Variants in SHC3 observed in about 807,000 individuals in gnomAD.
SHC3 encodes the protein SHC adaptor protein 3.
A neutral mutation model predicts 60.4 loss-of-function variants in SHC3; 15 were observed. The observed-to-expected ratio is 0.25, with a 90% CI of 0.17 to 0.38. The LOEUF (loss-of-function observed/expected upper bound fraction) is 0.38, where lower values mean the gene tolerates loss of function less well. Ranked by LOEUF, SHC3 falls within the 10% of genes least tolerant of loss-of-function variation. The probability of loss-of-function intolerance (pLI) is 1.00; values close to 1 mark genes in which losing one functional copy is unlikely to be tolerated. For missense variants in SHC3, 677 were observed against 786.1 expected (o/e 0.86, Z 1.66); for synonymous variants, 294 against 325.9 (o/e 0.90, Z 1.05).
At chr9:89,095,758 GACAA>G (rs1825692317) in intron 2 of SHC3, among the ~76,000 whole-genome samples, 1 of 152,146 alleles carries the variant, frequency 6.6e-6, no homozygotes, top group Non-Finnish European at 1.5e-5. Flanking sequence ...GGCAGGGACA[GACAA>G]ACTGACTTTC....
chr9:89,061,231 C>T (rs1204987425), intron 6 of SHC3, among the ~76,000 whole-genome samples: 2 of 152,210 alleles, frequency 1.3e-5, no homozygotes, highest in Non-Finnish European at 2.9e-5. Context: ...TAAGCCATTG[C>T]TTTCACCCAT....
rs1824786055 is a variant in SHC3 at position 89,046,985 on chromosome 9, A to G, written c.972T>C (p.Ser324=). The G allele has an allele frequency of 1.8e-5, 29 of 1,585,738 alleles. No homozygotes were observed. Among genetic ancestry groups the G allele is most frequent in the Non-Finnish European group, 2.5e-5 (29 of 1,168,504 alleles). The stretch of plus-strand genomic sequence containing the variant: ...CCTCTTCCGTCCATGGCTCATCCAG[A>G]CTCTGCATTCTGTTAAAGGAAGATT... ...KIPALHDRMQ[S]LDEPWTEEEG... The change falls in exon 8 of 12, where the codon AGT becomes AGC. Residue 324 remains serine, a synonymous_variant. Transcript: ENST00000375835.
intron 2 of SHC3, among the ~76,000 whole-genome samples, chr9:89,104,816 G>C (rs569098789): frequency 6.6e-5 from 10 of 150,628 alleles, no homozygotes; most frequent in Middle Eastern, 6.8e-3. Context: ...ATTTGAGGTA[G>C]TGAGGGCCTT....
Position 89,023,923 on chromosome 9 carries a change from T to G in SHC3, c.1657-10348A>C, listed in dbSNP as rs138999060. 5.5e-3 allele frequency among the ~76,000 whole-genome samples: 841 copies of G among 152,318 alleles called. 7 individuals are homozygous for G. Among genetic ancestry groups the G allele is most frequent in the African/African-American group, 0.019 (790 of 41,564 alleles). On this transcript the variant is annotated intron_variant, in intron 11 of 11. Transcript: ENST00000375835. ...TGAAAGTTCAGACTACTGCCTCATC[T>G]CCATCCCACACATCCAGGCCCCATT... is the stretch of plus-strand genomic sequence containing the variant.
intron 9 of SHC3, among the ~76,000 whole-genome samples, chr9:89,044,930 C>G (rs1276882781): frequency 2.0e-5 from 3 of 152,186 alleles, no homozygotes; most frequent in Non-Finnish European, 4.4e-5. Context: ...CTGGTGCCAC[C>G]TCTGCCTCAA....
intron 2 of SHC3, among the ~76,000 whole-genome samples, chr9:89,100,052 A>G (rs1825760300): frequency 6.6e-6 from 1 of 152,206 alleles, no homozygotes; most frequent in African/African-American, 2.4e-5. Flanking sequence ...CTGCTGTAGA[A>G]TTCATTAATT....
chr9:89,103,888 G>A (rs1825818246), intron 2 of SHC3, among the ~76,000 whole-genome samples: 1 of 152,140 alleles, frequency 6.6e-6, no homozygotes, highest in Non-Finnish European at 1.5e-5. Flanking sequence ...TACTACCAGA[G>A]GCTGCCTCTG....
chr9:89,110,681 C>G (rs1825934582), intron 2 of SHC3, among the ~76,000 whole-genome samples: 1 of 152,160 alleles, frequency 6.6e-6, no homozygotes, highest in Non-Finnish European at 1.5e-5. Flanking sequence ...ATCATGGAGA[C>G]GAGCAAATTT....
chr9:89,051,978 A>G (rs1288862635), intron 7 of SHC3, 59 bp downstream of exon 7: 1 of 1,598,292 alleles, frequency 6.3e-7, no homozygotes, highest in Non-Finnish European at 8.5e-7. Context: ...TGTGGTTTTA[A>G]GAGGAAAGGT....
chr9:89,105,855 C>T (rs1013677553), intron 2 of SHC3, among the ~76,000 whole-genome samples: 2 of 152,122 alleles, frequency 1.3e-5, no homozygotes, highest in African/African-American at 4.8e-5. Flanking sequence ...CAATCTTTCC[C>T]TTCAGTTAGA....
intron 2 of SHC3, among the ~76,000 whole-genome samples, chr9:89,089,142 G>A (rs1012270067): frequency 2.6e-5 from 4 of 152,110 alleles, no homozygotes; most frequent in African/African-American, 9.7e-5. Flanking sequence ...TCCATTCCAG[G>A]GCAGTTCTAC....
chr9:89,174,046 T>C (rs1263697826), intron 1 of SHC3, among the ~76,000 whole-genome samples: 2 of 152,174 alleles, frequency 1.3e-5, no homozygotes, highest in Non-Finnish European at 2.9e-5. Flanking sequence ...GTTATTTTAA[T>C]ATAGTTAAAA....
At chr9:89,058,694 G>A (rs552557449) in intron 6 of SHC3, among the ~76,000 whole-genome samples, 12 of 147,326 alleles carry the variant, frequency 8.1e-5, no homozygotes, top group South Asian at 4.4e-4. Context: ...GATGGAGGGC[G>A]GTGGTGGAGG....
intron 4 of SHC3, among the ~76,000 whole-genome samples, chr9:89,073,032 T>A (rs1410924874): frequency 6.6e-6 from 1 of 152,164 alleles, no homozygotes; most frequent in East Asian, 1.9e-4. Context: ...TGAGTTAAAC[T>A]AAAAACAGTG....
intron 1 of SHC3, among the ~76,000 whole-genome samples, chr9:89,137,124 A>G (rs545377221): frequency 7.2e-5 from 11 of 152,280 alleles, no homozygotes; most frequent in African/African-American, 2.6e-4. Context: ...ATCCACCTCC[A>G]GGATCCAATC....
intron 1 of SHC3, among the ~76,000 whole-genome samples, chr9:89,131,946 A>T (rs1587744477): frequency 6.6e-6 from 1 of 152,114 alleles, no homozygotes; most frequent in Admixed American, 6.6e-5. Flanking sequence ...GGGTATTCAA[A>T]TAGGAAAAGA....
In SHC3 at chr9:89,052,203, C is replaced by G. The variant is rs548341317; in HGVS notation, c.836-40G>C. 267 of 1,609,222 alleles carry G rather than the reference C, an allele frequency of 1.7e-4. 3 individuals are homozygous for G. In the South Asian group the frequency reaches 2.8e-3, roughly 17 times the overall value. On this transcript the variant is annotated intron_variant, in intron 6 of 11. Transcript: ENST00000375835. ...GACATGGGCCTATTAGAGACAGACA[C>G]TGGTGCTACCTGGGCTCCTCTACAA...
chr9:89,143,272 T>C (rs1300962120), intron 1 of SHC3, among the ~76,000 whole-genome samples: 1 of 152,182 alleles, frequency 6.6e-6, no homozygotes, highest in African/African-American at 2.4e-5. Context: ...TAAACTGTCA[T>C]GGCACTGGTG....
chr9:89,107,000 T>C (rs1245713267), intron 2 of SHC3, among the ~76,000 whole-genome samples: 3 of 152,146 alleles, frequency 2.0e-5, no homozygotes, highest in Admixed American at 6.5e-5. Flanking sequence ...TCCAGCCTAA[T>C]GGGTTCAGAC....
Sources: gnomAD v4.1 joint callset for allele counts (sites outside exome capture counted in the v4.1 genomes callset) on GRCh38, gnomAD v4.1.1 for gene constraint, MANE v1.5 for transcripts, NCBI Gene and HGNC (gene_info 2026-07-23, HGNC 2026-07-21) for gene names.